Variants in NF1 observed in about 807,000 individuals in gnomAD.
NF1 encodes the protein neurofibromin.
Under a neutral mutation model 325.7 loss-of-function variants are expected in NF1, and 122 were observed. That is an observed-to-expected ratio of 0.37 (90% CI 0.32 to 0.44). NF1 has a LOEUF of 0.44. Among genes scored for constraint, NF1 ranks in the 20% least tolerant of loss-of-function variants. The pLI is 1.00. For missense variants in NF1, 2,140 were observed against 3,415.4 expected, an observed-to-expected ratio of 0.63 and a Z score of 9.31; for synonymous variants, 1,091 against 1,186.0, an observed-to-expected ratio of 0.92 and a Z score of 1.65.
intron 1 of NF1, chr17:31,138,069 C>T (rs1339369269): frequency 2.0e-5 from 3 of 152,030 alleles, no homozygotes; most frequent in Non-Finnish European, 4.4e-5. Flanking sequence ...AGAGACTCTT[C>T]AAGTCTGGAA....
At chr17:31,211,657 CT>C (rs1222931393) in intron 12 of NF1, among the ~76,000 whole-genome samples, 11 of 152,188 alleles carry the variant, frequency 7.2e-5, no homozygotes, top group Non-Finnish European at 4.4e-5. Context: ...CAGCATGTTA[CT>C]GTACTGAATA....
chr17:31,261,822 C>T lies in NF1; in HGVS notation c.4689C>T (p.Asn1563=). The T allele has an allele frequency of 6.2e-7, 1 of 1,612,978 alleles. No homozygotes were observed. The highest frequency in any genetic ancestry group is 8.5e-7 in the Non-Finnish European group (1 of 1,179,948). The stretch of plus-strand genomic sequence containing the variant: ...CAGATACACACTGGTCCAGCCTTAA[C>T]CTTACCAGTTCAAAGTTTGAGGAAT... ...PVADTHWSSL[N]LTSSKFEEFM... is the part of the protein sequence containing the mutation. Residue 1563 remains asparagine (N), a synonymous_variant, in exon 35 of 58, where the codon AAC becomes AAT. Transcript: ENST00000358273.
chr17:31,317,369 A>ACG (rs66803216), intron 36 of NF1, among the ~76,000 whole-genome samples: 454 of 4,114 alleles, frequency 0.11, no homozygotes, highest in Non-Finnish European at 0.24. Context: ...CCAGATTTGA[A>ACG]CACACACACA....
At chr17:31,228,738 CT>C (rs1447016154) in intron 20 of NF1, among the ~76,000 whole-genome samples, 1 of 152,004 alleles carries the variant, frequency 6.6e-6, no homozygotes, top group Non-Finnish European at 1.5e-5. Flanking sequence ...AATATGTGGG[CT>C]TTTGTGATTA....
In NF1 at chr17:31,260,351, G is replaced by T. The variant is rs2151464437; in HGVS notation, c.4431-18G>T. 2 of 1,612,794 alleles carry T rather than the reference G, an allele frequency of 1.2e-6. No individual in the cohort carries two copies. The highest frequency in any genetic ancestry group is 1.1e-5 in the South Asian group (1 of 90,994). ...TGTATCTGGTGTTGAAAATTCTAAT[G>T]ACTTTGCATTTTTGAAGGTTTTTCC... On this transcript the variant is annotated intron_variant, in intron 33 of 57. Coordinates refer to ENST00000358273, the MANE Select transcript of NF1 (RefSeq NM_001042492.3).
intron 8 of NF1, among the ~76,000 whole-genome samples, chr17:31,198,081 A>G (rs1361618471): frequency 1.3e-5 from 2 of 152,066 alleles, no homozygotes; most frequent in African/African-American, 4.8e-5. Flanking sequence ...TCTTCATTCT[A>G]TTAATGTGGT....
chr17:31,330,689 A>G, intron 39 of NF1, 191 bp downstream of exon 39: 1 of 584,784 alleles, frequency 1.7e-6, no homozygotes, highest in East Asian at 2.8e-5. Context: ...CCACATTGAG[A>G]AATCCACCAA....
chr17:31,279,304 A>G (rs2068073505), intron 36 of NF1, among the ~76,000 whole-genome samples: 1 of 152,224 alleles, frequency 6.6e-6, no homozygotes, highest in Non-Finnish European at 1.5e-5. Flanking sequence ...TTCTGAAAGC[A>G]GTTCAGGCCT....
chr17:31,265,458 T>C, intron 36 of NF1, 119 bp downstream of exon 36: 1 of 733,520 alleles, frequency 1.4e-6, no homozygotes. Context: ...CAAGTTTACT[T>C]GGGAGCATAT....
intron 2 of NF1, among the ~76,000 whole-genome samples, chr17:31,157,922 G>A (rs1243530832): frequency 6.6e-6 from 1 of 151,688 alleles, no homozygotes; most frequent in East Asian, 1.9e-4. Context: ...GCCAGGATGC[G>A]CCACTGCACT....
chr17:31,294,619 G>A (rs1412236231), intron 36 of NF1: 2 of 206,924 alleles, frequency 9.7e-6, no homozygotes, highest in Admixed American at 5.3e-5. Context: ...TGCTAAAGTT[G>A]GTATGACTGG....
At position 31,212,306 on chromosome 17, in the gene NF1, A is replaced by G. The variant is rs551819335; in HGVS notation, c.1393-2145A>G. 3.3e-5 allele frequency among the ~76,000 whole-genome samples: 5 copies of G among 152,374 alleles called. No homozygotes were observed. The East Asian group carries it at 7.7e-4, about 24-fold the overall frequency. On this transcript the variant is annotated intron_variant, in intron 12 of 57. Transcript: ENST00000358273. ...AGGGGAAATAACGTGTGGAGCTGTC[A>G]TCTCTTGTGGTAACAATGCCTTCTT...
intron 36 of NF1, among the ~76,000 whole-genome samples, chr17:31,322,119 AC>A (rs2069215085): frequency 6.6e-6 from 1 of 151,894 alleles, no homozygotes; most frequent in African/African-American, 2.4e-5. Flanking sequence ...ACACACACAC[AC>A]ACACACACAA....
chr17:31,181,284 G>A, intron 5 of NF1, 138 bp from the exon 6 acceptor site: 1 of 762,218 alleles, frequency 1.3e-6, no homozygotes, highest in South Asian at 1.9e-5. Flanking sequence ...TTGGGTTTAT[G>A]TTAGGTGTCT....
chr17:31,132,666 C>T (rs1468291517), intron 1 of NF1, among the ~76,000 whole-genome samples: 1 of 151,876 alleles, frequency 6.6e-6, no homozygotes, highest in African/African-American at 2.4e-5. Context: ...TTTAATGTTA[C>T]TTATTTATTT....
intron 36 of NF1, among the ~76,000 whole-genome samples, chr17:31,308,168 C>T (rs112373702): frequency 0.021 from 3,224 of 151,028 alleles, 127 homozygotes; most frequent in African/African-American, 0.074. Flanking sequence ...GAGACAGAGT[C>T]GTTCTGTCAC....
chr17:31,123,802 T>A (rs1423084454), intron 1 of NF1, among the ~76,000 whole-genome samples: 1 of 152,148 alleles, frequency 6.6e-6, no homozygotes, highest in Non-Finnish European at 1.5e-5. Context: ...AGAATAACAT[T>A]CCTTTAAGCA....
At chr17:31,362,260 C>T (rs2070417687) in intron 57 of NF1, 1 of 979,606 alleles carries the variant, frequency 1.0e-6, no homozygotes, top group African/African-American at 1.7e-5. Context: ...AAGGCCAGGG[C>T]AAAACTTAAA....
intron 13 of NF1, among the ~76,000 whole-genome samples, chr17:31,218,241 T>G (rs2066857708): frequency 6.6e-6 from 1 of 152,192 alleles, no homozygotes; most frequent in Admixed American, 6.5e-5. Flanking sequence ...CTTTAGCCAG[T>G]TTACTATTGT....
Sources: allele counts gnomAD v4.1 joint callset (sites outside exome capture counted in the v4.1 genomes callset), GRCh38; gene constraint gnomAD v4.1.1; transcripts MANE v1.5; gene names NCBI Gene and HGNC (gene_info 2026-07-23, HGNC 2026-07-21).